The following DYM variants were observed in gnomAD, a reference collection of about 807,000 sequenced individuals.
DYM encodes the protein dymeclin, also known as dyggve-Melchior-Clausen syndrome protein.
DYM carries 78 observed loss-of-function variants against 93.1 expected under a neutral mutation model. The observed-to-expected ratio is 0.84, with a 90% CI of 0.70 to 1.01. DYM has a LOEUF of 1.01. Ranked by LOEUF, DYM falls within the 50% of genes least tolerant of loss-of-function variation. The pLI, the probability that DYM is intolerant of heterozygous loss-of-function variation, is 0.00. For missense variants in DYM, 789 were observed against 845.0 expected, an observed-to-expected ratio of 0.93 and a Z score of 0.82; for synonymous variants, 321 against 319.7, an observed-to-expected ratio of 1.00 and a Z score of -0.04.
intron 15 of DYM, among the ~76,000 whole-genome samples, chr18:49,141,466 C>T (rs1450351457): frequency 2.0e-5 from 3 of 152,024 alleles, no homozygotes; most frequent in Non-Finnish European, 4.4e-5. Context: ...TTTAATGCTA[C>T]TCTCCCCCAC....
chr18:49,195,413 TTC>T (rs762991679), intron 14 of DYM, among the ~76,000 whole-genome samples: 1 of 152,212 alleles, frequency 6.6e-6, no homozygotes, highest in Non-Finnish European at 1.5e-5. Context: ...ACATTCAAAA[TTC>T]TCTCTTCTAG....
intron 13 of DYM, among the ~76,000 whole-genome samples, chr18:49,231,776 A>G (rs1027333848): frequency 6.6e-6 from 1 of 152,216 alleles, no homozygotes; most frequent in Non-Finnish European, 1.5e-5. Context: ...GTAGTGTACT[A>G]GCACATCTGG....
intron 8 of DYM, among the ~76,000 whole-genome samples, chr18:49,301,074 T>G (rs1023486437): frequency 6.6e-6 from 1 of 152,130 alleles, no homozygotes; most frequent in African/African-American, 2.4e-5. Flanking sequence ...ACTAAAATCT[T>G]TGAAAGAAAG....
At chr18:49,229,477 T>A (rs1286956505) in intron 13 of DYM, among the ~76,000 whole-genome samples, 1 of 152,112 alleles carries the variant, frequency 6.6e-6, no homozygotes, top group Admixed American at 6.6e-5. Flanking sequence ...TAAATAGACA[T>A]TTCACCAAAG....
At chr18:49,287,567 A>G (rs1042434506) in intron 8 of DYM, among the ~76,000 whole-genome samples, 7 of 151,972 alleles carry the variant, frequency 4.6e-5, no homozygotes, top group African/African-American at 1.4e-4. Context: ...ATTATTTGCA[A>G]GCAATATTCT....
chr18:49,170,067 G>A (rs140537030), intron 14 of DYM, among the ~76,000 whole-genome samples: 3 of 152,254 alleles, frequency 2.0e-5, no homozygotes, highest in Admixed American at 6.5e-5. Context: ...GAGGGAGAGC[G>A]CTCAGGAAGA....
At chr18:49,127,765 G>C in intron 15 of DYM, among the ~76,000 whole-genome samples, 1 of 152,246 alleles carries the variant, frequency 6.6e-6, no homozygotes, top group East Asian at 1.9e-4. Context: ...AGCCAGAACT[G>C]GATTTGTCCA....
chr18:49,355,073 T>C (rs904867916), intron 6 of DYM, among the ~76,000 whole-genome samples: 4 of 151,582 alleles, frequency 2.6e-5, no homozygotes, highest in Non-Finnish European at 5.9e-5. Flanking sequence ...CATGCATTTG[T>C]CTAATCCCAT....
intron 15 of DYM, among the ~76,000 whole-genome samples, chr18:49,148,530 T>A (rs553899091): frequency 1.3e-5 from 2 of 152,208 alleles, no homozygotes; most frequent in East Asian, 3.9e-4. Context: ...ATTGCTAGAT[T>A]ACAGGTGCAA....
intron 8 of DYM, among the ~76,000 whole-genome samples, chr18:49,302,235 C>T (rs956850890): frequency 6.6e-6 from 1 of 152,182 alleles, no homozygotes; most frequent in African/African-American, 2.4e-5. Context: ...TACAGATTTA[C>T]ATCCACCATT....
intron 3 of DYM, among the ~76,000 whole-genome samples, chr18:49,389,177 C>T (rs921235690): frequency 5.3e-5 from 8 of 152,076 alleles, no homozygotes; most frequent in Admixed American, 3.3e-4. Flanking sequence ...TTTATTTTAG[C>T]CATACCATCA....
chr18:49,327,023 G>C (rs1007623011), intron 8 of DYM, among the ~76,000 whole-genome samples: 1 of 143,028 alleles, frequency 7.0e-6, no homozygotes, highest in African/African-American at 2.6e-5. Context: ...GTGTGTGTGT[G>C]TGTGTGTGTG....
At chr18:49,196,438 TACACACACACACAC>T (rs35296321) in intron 14 of DYM, among the ~76,000 whole-genome samples, 4 of 150,156 alleles carry the variant, frequency 2.7e-5, no homozygotes, top group Non-Finnish European at 5.9e-5. Context: ...GATCAGTGGT[TACACACACACACAC>T]ACACACACAC....
chr18:49,445,869 G>C (rs1178583425), intron 1 of DYM, among the ~76,000 whole-genome samples: 2 of 150,922 alleles, frequency 1.3e-5, no homozygotes, highest in East Asian at 3.9e-4. Context: ...GGGAGGGAAG[G>C]GGAAACATGG....
At chr18:49,456,280 T>C (rs889744008) in intron 1 of DYM, among the ~76,000 whole-genome samples, 1 of 152,204 alleles carries the variant, frequency 6.6e-6, no homozygotes, top group Non-Finnish European at 1.5e-5. Flanking sequence ...GGACTTCTTT[T>C]ACAAAAGAAA....
At chr18:49,328,653 A>G (rs1216743825) in intron 8 of DYM, among the ~76,000 whole-genome samples, 1 of 152,104 alleles carries the variant, frequency 6.6e-6, no homozygotes, top group Non-Finnish European at 1.5e-5. Context: ...CTCAAAAGAC[A>G]TTTATGCAGC....
chr18:49,262,321 T>C (rs1466731305), intron 11 of DYM, among the ~76,000 whole-genome samples: 2 of 152,132 alleles, frequency 1.3e-5, no homozygotes, highest in East Asian at 3.9e-4. Flanking sequence ...AGAGAGAGCA[T>C]GGCCCCGCTG....
intron 16 of DYM, among the ~76,000 whole-genome samples, chr18:49,101,226 CCTTTAGTGAAAGTGGGGATGAATG>C (rs2080103144): frequency 6.6e-6 from 1 of 152,110 alleles, no homozygotes; most frequent in Non-Finnish European, 1.5e-5. Context: ...TCAAGTAAAA[CCTTTAGTGAAAGTGGGGATGAATG>C]CTTTGTCAGT....
intron 8 of DYM, among the ~76,000 whole-genome samples, chr18:49,306,397 T>C (rs2061277178): frequency 6.6e-6 from 1 of 152,158 alleles, no homozygotes; most frequent in African/African-American, 2.4e-5. Flanking sequence ...TCCAGTTGGC[T>C]CAGAAACTCC....
Sources: gnomAD v4.1 joint callset for allele counts (sites outside exome capture counted in the v4.1 genomes callset) on GRCh38, gnomAD v4.1.1 for gene constraint, MANE v1.5 for transcripts, NCBI Gene and HGNC (gene_info 2026-07-23, HGNC 2026-07-21) for gene names.